The following RBM19 variants were observed in gnomAD, a reference collection of about 807,000 sequenced individuals.
RBM19 encodes the protein RNA binding motif protein 19, also known as probable RNA-binding protein 19.
RBM19 carries 94 observed loss-of-function variants against 116.8 expected under a neutral mutation model. The ratio of observed to expected loss-of-function variants is 0.80; its 90% CI spans 0.68 to 0.95. The LOEUF (loss-of-function observed/expected upper bound fraction) is 0.95, where lower values mean the gene tolerates loss of function less well. RBM19 is among the 40% of genes least tolerant of loss of function. The pLI is 0.00. For missense variants in RBM19, 1,161 were observed against 1,220.7 expected (o/e 0.95, Z 0.73); for synonymous variants, 475 against 494.1 (o/e 0.96, Z 0.51).
At chr12:113,824,449 G>A (rs1874686761) in intron 23 of RBM19, among the ~76,000 whole-genome samples, 1 of 152,164 alleles carries the variant, frequency 6.6e-6, no homozygotes. Context: ...CCCTCTGCTA[G>A]TCTAACCACT....
chr12:113,949,951 C>T, intron 9 of RBM19, 132 bp downstream of exon 9: 1 of 827,298 alleles, frequency 1.2e-6, no homozygotes, highest in Non-Finnish European at 1.9e-6. Context: ...GTCCCCAGTG[C>T]CTAGAACAGT....
chr12:113,855,744 C>T (rs1315930450), intron 22 of RBM19, among the ~76,000 whole-genome samples: 1 of 152,206 alleles, frequency 6.6e-6, no homozygotes, highest in Non-Finnish European at 1.5e-5. Context: ...GCTTTTGACT[C>T]CATGTCTCTG....
intron 21 of RBM19, among the ~76,000 whole-genome samples, chr12:113,862,312 G>A (rs553633572): frequency 1.1e-4 from 17 of 152,286 alleles, no homozygotes; most frequent in African/African-American, 3.9e-4. Flanking sequence ...AAATCGAGGC[G>A]AGATCTTTCT....
intron 17 of RBM19, among the ~76,000 whole-genome samples, chr12:113,925,092 C>T (rs1236208238): frequency 2.0e-5 from 3 of 152,206 alleles, no homozygotes; most frequent in Admixed American, 6.5e-5. Context: ...CTCACTGCCC[C>T]CTGCACCAAA....
intron 6 of RBM19, among the ~76,000 whole-genome samples, chr12:113,955,588 TG>T (rs1472658546): frequency 2.0e-5 from 3 of 152,216 alleles, no homozygotes; most frequent in South Asian, 4.1e-4. Context: ...CAGATGCCAG[TG>T]ATCTACTACA....
intron 23 of RBM19, among the ~76,000 whole-genome samples, chr12:113,827,615 A>G (rs1874991442): frequency 6.6e-6 from 1 of 152,004 alleles, no homozygotes; most frequent in African/African-American, 2.4e-5. Context: ...GGGGGAGAAG[A>G]GCGTGGCTGA....
At chr12:113,949,609 A>C (rs1201426302) in intron 9 of RBM19, among the ~76,000 whole-genome samples, 1 of 152,140 alleles carries the variant, frequency 6.6e-6, no homozygotes, top group Non-Finnish European at 1.5e-5. Context: ...GATTGGTCAA[A>C]GAATACATCC....
chr12:113,873,704 A>G (rs1400305951), intron 21 of RBM19, among the ~76,000 whole-genome samples: 2 of 151,620 alleles, frequency 1.3e-5, no homozygotes, highest in African/African-American at 2.4e-5. Context: ...AAAAAAAAAA[A>G]AAAGAAAAGG....
chr12:113,834,796 G>A (rs547238688), intron 23 of RBM19, among the ~76,000 whole-genome samples: 138 of 152,234 alleles, frequency 9.1e-4, no homozygotes, highest in African/African-American at 2.2e-3. Flanking sequence ...TGTCCAGACC[G>A]GTATGCCTTC....
intron 6 of RBM19, 53 bp downstream of exon 6, chr12:113,957,729 G>A: frequency 2.6e-6 from 4 of 1,520,820 alleles, no homozygotes; most frequent in South Asian, 1.3e-5. Context: ...GGGGACCACG[G>A]GCAAGCAGGA....
Position 113,823,192 on chromosome 12 carries a change from G to T in RBM19, c.*32C>A, listed in dbSNP as rs778811149. ...TGGAGCGGCTGTCCCGGTCCCCAGG[G>T]CCCCGGAGCCACACACCCTCTCGGT... On this transcript the variant is annotated 3_prime_UTR_variant, in exon 24 of 24. Transcript: ENST00000261741. 4 of 1,592,782 alleles carry T rather than the reference G, an allele frequency of 2.5e-6. No homozygotes were observed. The highest frequency in any genetic ancestry group is 1.7e-6 in the Non-Finnish European group (2 of 1,170,578).
intron 21 of RBM19, among the ~76,000 whole-genome samples, chr12:113,899,974 C>T (rs1051473612): frequency 2.0e-5 from 3 of 152,128 alleles, no homozygotes; most frequent in African/African-American, 7.2e-5. Context: ...TGAGCTGCCG[C>T]GGCTGCTTGG....
intron 22 of RBM19, among the ~76,000 whole-genome samples, chr12:113,845,096 C>T (rs1876841801): frequency 6.6e-6 from 1 of 152,164 alleles, no homozygotes; most frequent in Non-Finnish European, 1.5e-5. Context: ...AGGGCGACCC[C>T]ATTAGTGGGC....
In RBM19 at chr12:113,942,453, A is replaced by G; in HGVS notation, c.1627-19T>C. Reference sequence around the variant, plus strand: ...TGGTCTCCTGTGGAAGAGGAAAGGAAGAGTTCTGGTTGGCTGTCGGCCAGG... The same window carrying G: ...TGGTCTCCTGTGGAAGAGGAAAGGAGGAGTTCTGGTTGGCTGTCGGCCAGG... On this transcript the variant is annotated intron_variant, in intron 13 of 23. Transcript: ENST00000261741. The G allele has an allele frequency of 6.3e-7, 1 of 1,590,838 alleles. No individual in the cohort carries two copies. Among genetic ancestry groups the G allele is most frequent in the Non-Finnish European group, 8.5e-7 (1 of 1,173,376 alleles).
chr12:113,918,337 C>G, intron 20 of RBM19, 55 bp downstream of exon 20: 6 of 1,590,930 alleles, frequency 3.8e-6, no homozygotes, highest in Non-Finnish European at 5.2e-6. Flanking sequence ...TGGCCGGCAC[C>G]AAGCACAGGA....
chr12:113,844,629 G>C (rs1326831318), intron 23 of RBM19, 39 bp downstream of exon 23: 1 of 1,580,276 alleles, frequency 6.3e-7, no homozygotes, highest in Non-Finnish European at 8.6e-7. Context: ...GTTCCCCAGG[G>C]GGCCCATGAG....
chr12:113,865,412 C>G (rs1234723744), intron 21 of RBM19, among the ~76,000 whole-genome samples: 1 of 152,206 alleles, frequency 6.6e-6, no homozygotes. Context: ...CATCTGAGCA[C>G]TGTCTGAAAT....
chr12:113,875,241 A>G (rs1879582007), intron 21 of RBM19, among the ~76,000 whole-genome samples: 1 of 152,246 alleles, frequency 6.6e-6, no homozygotes, highest in African/African-American at 2.4e-5. Flanking sequence ...ATTATTTTTA[A>G]AAGTCTGGGA....
chr12:113,916,846 G>A (rs1418121750), intron 20 of RBM19, among the ~76,000 whole-genome samples: 1 of 152,216 alleles, frequency 6.6e-6, no homozygotes, highest in Non-Finnish European at 1.5e-5. Flanking sequence ...GAGACCCTGA[G>A]CCAGAATTCC....
Sources: gnomAD v4.1 joint callset for allele counts (sites outside exome capture counted in the v4.1 genomes callset) on GRCh38, gnomAD v4.1.1 for gene constraint, MANE v1.5 for transcripts, NCBI Gene and HGNC (gene_info 2026-07-23, HGNC 2026-07-21) for gene names.